LRRTM4: variants seen among roughly 807,000 people sequenced by gnomAD.
The protein encoded by LRRTM4 is leucine-rich repeat transmembrane neuronal protein 4.
A neutral mutation model predicts 47.6 loss-of-function variants in LRRTM4; 25 were observed. The observed-to-expected ratio is 0.53, with a 90% CI of 0.38 to 0.73. LRRTM4 has a LOEUF of 0.73. Ranked by LOEUF, LRRTM4 falls within the 30% of genes least tolerant of loss-of-function variation. The pLI is 0.00. For missense variants in LRRTM4, 638 were observed against 713.4 expected, an observed-to-expected ratio of 0.89 and a Z score of 1.20; for synonymous variants, 311 against 269.5, an observed-to-expected ratio of 1.15 and a Z score of -1.51.
At chr2:77,044,375 G>A (rs547427614) in intron 3 of LRRTM4, among the ~76,000 whole-genome samples, 58 of 151,804 alleles carry the variant, frequency 3.8e-4, no homozygotes, top group African/African-American at 1.2e-3. Context: ...ACATCAAACA[G>A]TCCAAACATT....
intron 3 of LRRTM4, among the ~76,000 whole-genome samples, chr2:77,365,921 T>C (rs1012600045): frequency 2.7e-5 from 4 of 147,936 alleles, no homozygotes; most frequent in Admixed American, 6.8e-5. Context: ...TATATATATA[T>C]AATAATATTT....
At chr2:76,822,595 C>T (rs1446573181) in intron 3 of LRRTM4, among the ~76,000 whole-genome samples, 1 of 151,450 alleles carries the variant, frequency 6.6e-6, no homozygotes, top group African/African-American at 2.4e-5. Flanking sequence ...TGTAAAAAAA[C>T]ACTGCCACTC....
chr2:76,763,546 G>A (rs1227381048), intron 3 of LRRTM4, among the ~76,000 whole-genome samples: 1 of 152,182 alleles, frequency 6.6e-6, no homozygotes, highest in Non-Finnish European at 1.5e-5. Flanking sequence ...AGAACTGTAA[G>A]GAGCAAATTT....
intron 3 of LRRTM4, among the ~76,000 whole-genome samples, chr2:77,480,837 GAGAGAGA>G (rs1677670385): frequency 7.6e-5 from 4 of 52,372 alleles, no homozygotes; most frequent in Admixed American, 2.3e-4. Flanking sequence ...GAGAGAGAGA[GAGAGAGA>G]GAGAGAGAGA....
In LRRTM4 at chr2:77,406,591, G is replaced by A. The variant is rs533181341; in HGVS notation, c.1551+111727C>T. Reference sequence around the variant, plus strand: ...TGCACGATTATGGGTGTGAGCCACCGCACCCAGTCTGACATGCTCTCTTTT... The same window carrying A: ...TGCACGATTATGGGTGTGAGCCACCACACCCAGTCTGACATGCTCTCTTTT... On this transcript the variant is annotated intron_variant, in intron 3 of 3. Transcript: ENST00000409884. Among the ~76,000 whole-genome samples the A allele has an allele frequency of 3.7e-4, 57 of 152,062 alleles. 1 individual carries two copies. Among genetic ancestry groups the A allele is most frequent in the Admixed American group, 2.1e-3 (32 of 15,232 alleles).
In LRRTM4 at chr2:77,265,192, A is replaced by G. The variant is rs1341747033; in HGVS notation, c.1551+253126T>C. Among the ~76,000 whole-genome samples the G allele has an allele frequency of 2.0e-5, 3 of 152,124 alleles. No individual in the cohort carries two copies. In the East Asian group the frequency reaches 5.8e-4, roughly 29 times the overall value. ...TTTCCTACTTGTTCACCATATTTTC[A>G]GTTGTATTTTAACTACTTTATTTAT... On this transcript the variant is annotated intron_variant, in intron 3 of 3. Coordinates refer to ENST00000409884, the MANE Select transcript of LRRTM4 (RefSeq NM_001134745.3).
chr2:77,067,684 C>G (rs913552740), intron 3 of LRRTM4, among the ~76,000 whole-genome samples: 1 of 121,584 alleles, frequency 8.2e-6, no homozygotes, highest in East Asian at 2.5e-4. Flanking sequence ...TTCAAAGATA[C>G]GTACACACAC....
In LRRTM4 at chr2:76,796,060, C is replaced by G. The variant is rs1409599168; in HGVS notation, c.1552-47144G>C. Among the ~76,000 whole-genome samples, 16 of 114,132 alleles carry G rather than the reference C, an allele frequency of 1.4e-4. 2 individuals carry two copies. Among genetic ancestry groups the G allele is most frequent in the African/African-American group, 2.9e-4 (7 of 24,246 alleles). 74.9% of individuals were successfully genotyped at this position (114,132 alleles called of 152,430 possible). On this transcript the variant is annotated intron_variant, in intron 3 of 3. Coordinates refer to ENST00000409884, the MANE Select transcript of LRRTM4 (RefSeq NM_001134745.3). ...AGTCAAAGAAAGGGGTGATGTACTGCACCTGGAAAATCGGGTCACTCCCAC... is the reference window on the plus strand; with the variant it reads ...AGTCAAAGAAAGGGGTGATGTACTGGACCTGGAAAATCGGGTCACTCCCAC...
chr2:77,354,856 C>G (rs776671535), intron 3 of LRRTM4, among the ~76,000 whole-genome samples: 19 of 152,152 alleles, frequency 1.2e-4, no homozygotes, highest in Non-Finnish European at 2.6e-4. Context: ...GTTACAGATC[C>G]ACAGCACCCT....
intron 3 of LRRTM4, among the ~76,000 whole-genome samples, chr2:77,325,741 G>A (rs567209758): frequency 7.9e-5 from 12 of 151,940 alleles, no homozygotes; most frequent in Admixed American, 2.0e-4. Flanking sequence ...ACTATGTATC[G>A]GAAAAAAGAT....
intron 3 of LRRTM4, among the ~76,000 whole-genome samples, chr2:77,100,545 C>T (rs1670926042): frequency 6.6e-6 from 1 of 152,078 alleles, no homozygotes; most frequent in African/African-American, 2.4e-5. Flanking sequence ...CTACAGGACA[C>T]ATAACCTGGA....
At chr2:76,901,206 C>T (rs1673618948) in intron 3 of LRRTM4, among the ~76,000 whole-genome samples, 1 of 152,028 alleles carries the variant, frequency 6.6e-6, no homozygotes, top group African/African-American at 2.4e-5. Context: ...CCTCCCCCAT[C>T]CCAAACCCCT....
At position 77,332,072 on chromosome 2, in the gene LRRTM4, T is replaced by G. The variant is rs575972260; in HGVS notation, c.1551+186246A>C. ...TGCAAATATGTTTCTTAAGAAGAAC[T>G]TTCATCCCCAGTTTTCTAGAAAAAT... On this transcript the variant is annotated intron_variant, in intron 3 of 3. Coordinates refer to ENST00000409884, the MANE Select transcript of LRRTM4 (RefSeq NM_001134745.3). 3.9e-5 allele frequency among the ~76,000 whole-genome samples: 6 copies of G among 152,262 alleles called. No homozygotes were observed. The South Asian group carries it at 8.3e-4, about 21-fold the overall frequency.
intron 3 of LRRTM4, among the ~76,000 whole-genome samples, chr2:77,250,848 A>G (rs1675582240): frequency 1.3e-5 from 2 of 152,088 alleles, no homozygotes; most frequent in East Asian, 3.9e-4. Flanking sequence ...TCACGCCTGT[A>G]ATCCCACCAC....
At chr2:77,506,388 A>G (rs1222005407) in intron 3 of LRRTM4, among the ~76,000 whole-genome samples, 1 of 151,748 alleles carries the variant, frequency 6.6e-6, no homozygotes, top group Non-Finnish European at 1.5e-5. Flanking sequence ...TTTAAAGTAA[A>G]AGCAATGTAA....
chr2:77,062,660 CT>C (rs558176999), intron 3 of LRRTM4, among the ~76,000 whole-genome samples: 1 of 151,868 alleles, frequency 6.6e-6, no homozygotes, highest in African/African-American at 2.4e-5. Context: ...ACTCAGGTTC[CT>C]TTTTTTTCTC....
chr2:77,150,192 T>A (rs140246536), intron 3 of LRRTM4, among the ~76,000 whole-genome samples: 3 of 152,262 alleles, frequency 2.0e-5, no homozygotes, highest in South Asian at 4.1e-4. Context: ...AAGCTAAAAA[T>A]AGGATACTAA....
At chr2:76,890,280 T>G (rs1281993434) in intron 3 of LRRTM4, among the ~76,000 whole-genome samples, 1 of 151,996 alleles carries the variant, frequency 6.6e-6, no homozygotes, top group African/African-American at 2.4e-5. Context: ...AAGAATACTT[T>G]TAGTCCATAG....
chr2:77,280,697 G>C (rs752111727), intron 3 of LRRTM4, among the ~76,000 whole-genome samples: 23 of 151,914 alleles, frequency 1.5e-4, no homozygotes, highest in Admixed American at 7.9e-4. Flanking sequence ...TAATATAAAG[G>C]ATGTGTATAA....
Sources: gnomAD v4.1 joint callset for allele counts (sites outside exome capture counted in the v4.1 genomes callset) on GRCh38, gnomAD v4.1.1 for gene constraint, MANE v1.5 for transcripts, NCBI Gene and HGNC (gene_info 2026-07-23, HGNC 2026-07-21) for gene names.